The following FGF14 variants were observed in gnomAD, a reference collection of about 807,000 sequenced individuals.
FGF14 encodes fibroblast growth factor homologous factor 4.
Under a neutral mutation model 25.5 loss-of-function variants are expected in FGF14, and 5 were observed. The ratio of observed to expected loss-of-function variants is 0.20; its 90% confidence interval spans 0.10 to 0.41. The LOEUF is 0.41. Ranked by LOEUF, FGF14 falls within the 10% of genes least tolerant of loss-of-function variation. The pLI is 1.00. For missense variants in FGF14, 222 were observed against 320.1 expected (o/e 0.69, Z 2.34); for synonymous variants, 138 against 118.3 (o/e 1.17, Z -1.08).
intron 1 of FGF14, among the ~76,000 whole-genome samples, chr13:102,130,117 TATTGTC>T (rs1408569552): frequency 6.6e-6 from 1 of 152,216 alleles, no homozygotes; most frequent in Non-Finnish European, 1.5e-5. Flanking sequence ...ATATTATTAC[TATTGTC>T]ATTAACATTA....
At chr13:101,800,093 G>A (rs1315540251) in intron 3 of FGF14, among the ~76,000 whole-genome samples, 3 of 152,160 alleles carry the variant, frequency 2.0e-5, no homozygotes, top group East Asian at 1.9e-4. Context: ...TAATGAGTTA[G>A]CATTTTAGAA....
At chr13:102,378,923 T>G (rs1199899005) in intron 1 of FGF14, among the ~76,000 whole-genome samples, 2 of 152,038 alleles carry the variant, frequency 1.3e-5, no homozygotes. Flanking sequence ...AACTGGCCCA[T>G]CGATATCAAC....
intron 1 of FGF14, among the ~76,000 whole-genome samples, chr13:102,162,686 T>G (rs1284362063): frequency 1.3e-5 from 2 of 152,128 alleles, no homozygotes; most frequent in African/African-American, 4.8e-5. Flanking sequence ...AGAGTGAAAT[T>G]TGGTTTATAA....
intron 1 of FGF14, among the ~76,000 whole-genome samples, chr13:102,245,628 A>C (rs9300724): frequency 0.14 from 20,931 of 152,018 alleles, 1,785 homozygotes; most frequent in East Asian, 0.38. Flanking sequence ...TTTTATAAGG[A>C]TTTAATGAAA....
intron 3 of FGF14, among the ~76,000 whole-genome samples, chr13:101,756,511 G>A (rs1485707620): frequency 6.6e-6 from 1 of 152,098 alleles, no homozygotes; most frequent in Non-Finnish European, 1.5e-5. Flanking sequence ...GAGGTGGGCG[G>A]ATCACGAGGT....
At chr13:101,937,220 C>T (rs9585813) in intron 1 of FGF14, among the ~76,000 whole-genome samples, 1 of 152,102 alleles carries the variant, frequency 6.6e-6, no homozygotes, top group African/African-American at 2.4e-5. Context: ...CAGAATAATT[C>T]CCAGTAATCT....
intron 1 of FGF14, among the ~76,000 whole-genome samples, chr13:101,984,278 G>GA (rs933470244): frequency 1.3e-5 from 2 of 151,978 alleles, no homozygotes; most frequent in Non-Finnish European, 2.9e-5. Flanking sequence ...ACTAAAACAT[G>GA]AAAAAAATGC....
intron 1 of FGF14, among the ~76,000 whole-genome samples, chr13:101,876,789 T>C (rs927585850): frequency 3.3e-5 from 5 of 152,148 alleles, no homozygotes; most frequent in African/African-American, 1.2e-4. Flanking sequence ...TTCTAAGATA[T>C]GCACTAGTGG....
chr13:101,990,858 A>G (rs771189007), intron 1 of FGF14, among the ~76,000 whole-genome samples: 3 of 152,176 alleles, frequency 2.0e-5, no homozygotes, highest in Non-Finnish European at 4.4e-5. Flanking sequence ...TTTCACATAT[A>G]GCATTAAGAT....
chr13:102,247,885 T>A (rs141391303), intron 1 of FGF14, among the ~76,000 whole-genome samples: 1 of 152,274 alleles, frequency 6.6e-6, no homozygotes, highest in East Asian at 1.9e-4. Flanking sequence ...GTGGTATATA[T>A]ATCCTATGGG....
chr13:102,381,220 C>CATCT (rs1330586501), intron 1 of FGF14, among the ~76,000 whole-genome samples: 17 of 152,118 alleles, frequency 1.1e-4, no homozygotes, highest in Non-Finnish European at 2.1e-4. Context: ...AGTCAGCAAC[C>CATCT]ATCTGTACAT....
chr13:102,309,523 G>C (rs996433806), intron 1 of FGF14, among the ~76,000 whole-genome samples: 1 of 152,164 alleles, frequency 6.6e-6, no homozygotes, highest in Admixed American at 6.5e-5. Flanking sequence ...AAAGAGATGA[G>C]AAAGTTGCAT....
At chr13:101,746,280 G>A (rs573082944) in intron 3 of FGF14, among the ~76,000 whole-genome samples, 13 of 151,994 alleles carry the variant, frequency 8.6e-5, no homozygotes, top group Admixed American at 7.2e-4. Context: ...GAGGTTTACC[G>A]AGTTCAAACA....
At chr13:102,101,058 C>T (rs546842527) in intron 1 of FGF14, among the ~76,000 whole-genome samples, 42 of 151,976 alleles carry the variant, frequency 2.8e-4, no homozygotes, top group African/African-American at 1.0e-3. Context: ...GAGATCACAC[C>T]ATTGTACTCC....
intron 1 of FGF14, among the ~76,000 whole-genome samples, chr13:102,046,162 C>G (rs1016254781): frequency 2.0e-5 from 3 of 152,118 alleles, no homozygotes; most frequent in Non-Finnish European, 2.9e-5. Flanking sequence ...CCCCTAACTC[C>G]TTTTTCCTAA....
chr13:101,768,726 T>C (rs999466964), intron 3 of FGF14, among the ~76,000 whole-genome samples: 1 of 152,146 alleles, frequency 6.6e-6, no homozygotes, highest in Non-Finnish European at 1.5e-5. Context: ...GAAAAAGTAG[T>C]CTTTTCAACT....
intron 3 of FGF14, among the ~76,000 whole-genome samples, chr13:101,785,805 T>C (rs1478887338): frequency 6.6e-6 from 1 of 152,160 alleles, no homozygotes. Context: ...GTATTGAAGA[T>C]TAAGTTAATT....
At chr13:102,300,008 A>C (rs922692888) in intron 1 of FGF14, 5 of 152,130 alleles carry the variant, frequency 3.3e-5, no homozygotes, top group Non-Finnish European at 5.9e-5. Context: ...TTTGAAATTA[A>C]ATTTTATTTA....
intron 1 of FGF14, among the ~76,000 whole-genome samples, chr13:101,912,460 A>T (rs933362482): frequency 1.3e-5 from 2 of 152,184 alleles, no homozygotes; most frequent in Admixed American, 6.6e-5. Flanking sequence ...TAATAAAAAC[A>T]TAACACTTTT....
Sources: gnomAD v4.1 joint callset for allele counts (sites outside exome capture counted in the v4.1 genomes callset) on GRCh38, gnomAD v4.1.1 for gene constraint, MANE v1.5 for transcripts, NCBI Gene and HGNC (gene_info 2026-07-23, HGNC 2026-07-21) for gene names.